The following WDFY4 variants were observed in gnomAD, a reference collection of about 807,000 sequenced individuals.
WDFY4 encodes WD repeat- and FYVE domain-containing protein 4.
Under a neutral mutation model 351.9 loss-of-function variants are expected in WDFY4, and 169 were observed. The observed-to-expected ratio is 0.48, with a 90% CI of 0.42 to 0.55. WDFY4 has a LOEUF of 0.55. Ranked by LOEUF, WDFY4 falls within the 20% of genes least tolerant of loss-of-function variation. The pLI is 0.00. For missense variants in WDFY4, 3,803 were observed against 3,935.6 expected (o/e 0.97, Z 0.90); for synonymous variants, 1,622 against 1,574.6 (o/e 1.03, Z -0.71).
At chr10:48,740,614 C>A (rs1392651046) in intron 11 of WDFY4, among the ~76,000 whole-genome samples, 1 of 152,238 alleles carries the variant, frequency 6.6e-6, no homozygotes, top group East Asian at 1.9e-4. Flanking sequence ...GGTGTGTCTA[C>A]AAATGTCCAA....
At chr10:48,765,507 A>G (rs2065640518) in intron 13 of WDFY4, among the ~76,000 whole-genome samples, 2 of 152,226 alleles carry the variant, frequency 1.3e-5, no homozygotes, top group African/African-American at 4.8e-5. Context: ...ACACTTGCTA[A>G]ATGGTGCAGC....
chr10:48,855,491 C>T (rs952316384), intron 39 of WDFY4, among the ~76,000 whole-genome samples: 1 of 152,076 alleles, frequency 6.6e-6, no homozygotes, highest in African/African-American at 2.4e-5. Flanking sequence ...CATTTGTTTT[C>T]ACAGTGGTAG....
intron 51 of WDFY4, among the ~76,000 whole-genome samples, chr10:48,950,086 C>T (rs1254420891): frequency 6.6e-6 from 1 of 152,126 alleles, no homozygotes; most frequent in East Asian, 1.9e-4. Flanking sequence ...TTTAAGGGCA[C>T]AGCTCAGTGT....
chr10:48,882,431 G>A (rs181627018), intron 43 of WDFY4, among the ~76,000 whole-genome samples: 1 of 152,330 alleles, frequency 6.6e-6, no homozygotes, highest in East Asian at 1.9e-4. Flanking sequence ...TGCCTTGTGT[G>A]ATCTTCATGC....
intron 5 of WDFY4, among the ~76,000 whole-genome samples, chr10:48,724,432 C>T (rs567099338): frequency 3.2e-4 from 49 of 152,118 alleles, no homozygotes; most frequent in African/African-American, 1.2e-3. Context: ...AGTGGGTTAC[C>T]CTCTGAGCTG....
chr10:48,699,199 G>A (rs2063413036), intron 1 of WDFY4, among the ~76,000 whole-genome samples: 1 of 152,176 alleles, frequency 6.6e-6, no homozygotes, highest in Non-Finnish European at 1.5e-5. Flanking sequence ...CTCTCAGGGT[G>A]ACCATGGAGA....
chr10:48,864,130 G>A (rs2069449666), intron 39 of WDFY4, among the ~76,000 whole-genome samples: 1 of 152,116 alleles, frequency 6.6e-6, no homozygotes, highest in Non-Finnish European at 1.5e-5. Flanking sequence ...TTTATTTTTG[G>A]TGCCAAAATC....
chr10:48,974,527 A>AAAAAAAAAAAAAAACAAAACAAC lies in WDFY4; in HGVS notation c.8929-333_8929-332insAAAAAAAAAAAACAAAACAACAA. ...CAAAAAAAAAAAAAAAAAAAAAAAA[A>AAAAAAAAAAAAAAACAAAACAAC]AACAACTCATGACATGAACTGCTCC... On this transcript the variant is annotated intron_variant, in intron 57 of 61. Coordinates refer to ENST00000325239, the MANE Select transcript of WDFY4 (RefSeq NM_001394531.1). 2.9e-3 allele frequency among the ~76,000 whole-genome samples: 68 copies of AAAAAAAAAAAAAAACAAAACAAC among 23,192 alleles called. 7 individuals are homozygous for AAAAAAAAAAAAAAACAAAACAAC. The highest frequency in any genetic ancestry group is 3.7e-3 in the African/African-American group (51 of 13,804). 15.2% of individuals were successfully genotyped at this position (23,192 alleles called of 152,430 possible).
intron 35 of WDFY4, among the ~76,000 whole-genome samples, chr10:48,823,026 C>A (rs917465723): frequency 7.9e-5 from 12 of 152,160 alleles, no homozygotes; most frequent in African/African-American, 2.9e-4. Flanking sequence ...CCCTTTCTTT[C>A]CAGATAAACA....
At chr10:48,723,997 C>G (rs1206206335) in intron 5 of WDFY4, among the ~76,000 whole-genome samples, 3 of 152,112 alleles carry the variant, frequency 2.0e-5, no homozygotes, top group African/African-American at 7.2e-5. Flanking sequence ...TCCTTCCTCT[C>G]AGAAGACATC....
intron 18 of WDFY4, 66 bp from the exon 19 acceptor site, chr10:48,779,875 C>A (rs894564807): frequency 1.6e-5 from 25 of 1,531,084 alleles, no homozygotes; most frequent in Admixed American, 5.9e-5. Context: ...CTATGCCCTC[C>A]CCATTCTCCT....
At chr10:48,851,281 A>G (rs949055804) in intron 39 of WDFY4, among the ~76,000 whole-genome samples, 2 of 152,204 alleles carry the variant, frequency 1.3e-5, no homozygotes, top group African/African-American at 4.8e-5. Flanking sequence ...ATAGCATTCT[A>G]TCACAGGATG....
chr10:48,729,371 T>C lies in WDFY4; in HGVS notation c.972-61T>C, dbSNP rs2064377778. ...TGGCTCTGTCTCCTTGAGAGCACCA[T>C]GCACGCATGTGGCTGCTCCATCTAG... On this transcript the variant is annotated intron_variant, in intron 7 of 61. Coordinates refer to ENST00000325239, the MANE Select transcript of WDFY4 (RefSeq NM_001394531.1). 9.1e-6 allele frequency: 14 copies of C among 1,536,138 alleles called. No homozygotes were observed. In the South Asian group the frequency reaches 1.3e-4, roughly 15 times the overall value.
intron 4 of WDFY4, among the ~76,000 whole-genome samples, chr10:48,723,016 A>G (rs1490181959): frequency 6.6e-6 from 1 of 152,056 alleles, no homozygotes; most frequent in East Asian, 1.9e-4. Flanking sequence ...CACACATATT[A>G]TCAGCCTCAC....
intron 12 of WDFY4, chr10:48,745,765 G>A: frequency 2.1e-6 from 1 of 476,116 alleles, no homozygotes; most frequent in Admixed American, 3.2e-5. Context: ...CAGATGCACA[G>A]CCTTGCGGGC....
chr10:48,972,331 A>T (rs1357964204), intron 57 of WDFY4, among the ~76,000 whole-genome samples: 1 of 152,234 alleles, frequency 6.6e-6, no homozygotes, highest in Non-Finnish European at 1.5e-5. Flanking sequence ...GAGACATTTT[A>T]AAATTACTTC....
intron 1 of WDFY4, among the ~76,000 whole-genome samples, chr10:48,705,531 G>A (rs2063604068): frequency 1.3e-5 from 2 of 152,274 alleles, no homozygotes; most frequent in South Asian, 4.1e-4. Context: ...CACATGGCCT[G>A]CAAGCCTACT....
chr10:48,754,814 G>T (rs2065286091), intron 12 of WDFY4, among the ~76,000 whole-genome samples: 2 of 152,108 alleles, frequency 1.3e-5, no homozygotes, highest in Admixed American at 1.3e-4. Flanking sequence ...ACACTCCTGA[G>T]CACCTTAGCT....
chr10:48,761,217 G>T (rs957277897), intron 13 of WDFY4, among the ~76,000 whole-genome samples: 3 of 152,168 alleles, frequency 2.0e-5, no homozygotes, highest in African/African-American at 7.2e-5. Context: ...AGGAGCAAGG[G>T]CTCCCTGGTC....
Sources: gnomAD v4.1 joint callset for allele counts (sites outside exome capture counted in the v4.1 genomes callset) on GRCh38, gnomAD v4.1.1 for gene constraint, MANE v1.5 for transcripts, NCBI Gene and HGNC (gene_info 2026-07-23, HGNC 2026-07-21) for gene names.